The following CAMTA1 variants were observed in gnomAD, a reference collection of about 807,000 sequenced individuals.
The protein encoded by CAMTA1 is calmodulin-binding transcription activator 1.
CAMTA1 carries 27 observed loss-of-function variants against 170.9 expected under a neutral mutation model. That is an observed-to-expected ratio of 0.16 (90% CI 0.12 to 0.22). The LOEUF (loss-of-function observed/expected upper bound fraction) is 0.22. CAMTA1 is among the 10% of genes least tolerant of loss of function. The pLI, the probability that CAMTA1 is intolerant of heterozygous loss-of-function variation, is 1.00. For missense variants in CAMTA1, 1,619 were observed against 2,217.2 expected, an observed-to-expected ratio of 0.73 and a Z score of 5.42; for synonymous variants, 833 against 891.5, an observed-to-expected ratio of 0.93 and a Z score of 1.17.
chr1:7,527,459 T>C (rs1007302001), intron 6 of CAMTA1, among the ~76,000 whole-genome samples: 3 of 152,192 alleles, frequency 2.0e-5, no homozygotes, highest in South Asian at 2.1e-4. Flanking sequence ...CCAGGCAGCT[T>C]GGGACTTTGA....
rs950573061 is a variant in CAMTA1 at position 7,221,445 on chromosome 1, T to A, written c.303-28046T>A. ...TGCTCCGGCTTTTGGGTTTCCATAG[T>A]GTGCATTAGCCTTTGAAGGCCTCCA... On this transcript the variant is annotated intron_variant, in intron 4 of 22. Transcript: ENST00000303635. 2.0e-5 allele frequency among the ~76,000 whole-genome samples: 3 copies of A among 152,292 alleles called. No homozygotes were observed. In the South Asian group the frequency reaches 6.2e-4, roughly 32 times the overall value.
At chr1:6,997,491 G>A (rs1239518250) in intron 3 of CAMTA1, among the ~76,000 whole-genome samples, 1 of 151,752 alleles carries the variant, frequency 6.6e-6, no homozygotes, top group African/African-American at 2.4e-5. Context: ...TTGGCTCTTC[G>A]GGCAGCCTCT....
At chr1:7,031,585 G>C (rs768598897) in intron 3 of CAMTA1, among the ~76,000 whole-genome samples, 1 of 152,190 alleles carries the variant, frequency 6.6e-6, no homozygotes, top group East Asian at 1.9e-4. Flanking sequence ...TGTCACCCAG[G>C]CTGGAGTGCA....
At chr1:6,924,729 G>A (rs555083778) in intron 3 of CAMTA1, among the ~76,000 whole-genome samples, 2 of 152,282 alleles carry the variant, frequency 1.3e-5, no homozygotes, top group East Asian at 3.9e-4. Flanking sequence ...TTTAAAAAAT[G>A]CGAGCTAAGT....
At position 7,483,106 on chromosome 1, in the gene CAMTA1, C is replaced by G. The variant is rs772164166; in HGVS notation, c.510+15205C>G. On this transcript the variant is annotated intron_variant, in intron 6 of 22. Coordinates refer to ENST00000303635, the MANE Select transcript of CAMTA1 (RefSeq NM_015215.4). ...CTCAGGAAGCTGGGCCCCAGCAGCCCGAGGTCAAGGGGGAATCCTTCAGCC... is the reference window on the plus strand; with the variant it reads ...CTCAGGAAGCTGGGCCCCAGCAGCCGGAGGTCAAGGGGGAATCCTTCAGCC... 3.3e-5 allele frequency among the ~76,000 whole-genome samples: 5 copies of G among 152,198 alleles called. No homozygotes were observed. In the South Asian group the frequency reaches 6.2e-4, roughly 19 times the overall value.
chr1:6,805,129 A>G (rs1644367078), intron 1 of CAMTA1, among the ~76,000 whole-genome samples: 1 of 152,242 alleles, frequency 6.6e-6, no homozygotes, highest in African/African-American at 2.4e-5. Context: ...GTTAGATCAT[A>G]TTACATTCCC....
At chr1:7,596,473 G>C (rs2095401014) in intron 6 of CAMTA1, among the ~76,000 whole-genome samples, 1 of 152,310 alleles carries the variant, frequency 6.6e-6, no homozygotes, top group Non-Finnish European at 1.5e-5. Context: ...CTGGCCGCAG[G>C]TGCCCACTTC....
intron 6 of CAMTA1, among the ~76,000 whole-genome samples, chr1:7,605,207 A>G (rs1485031163): frequency 1.3e-5 from 2 of 152,148 alleles, no homozygotes; most frequent in Non-Finnish European, 2.9e-5. Flanking sequence ...ACTCTCTTCA[A>G]AGCTGTCAGA....
chr1:6,951,179 A>G (rs1331334720), intron 3 of CAMTA1, among the ~76,000 whole-genome samples: 1 of 152,212 alleles, frequency 6.6e-6, no homozygotes, highest in Non-Finnish European at 1.5e-5. Context: ...TCCAGTGGCG[A>G]AAAGGATAAA....
At chr1:7,309,326 G>A (rs1676093146) in intron 5 of CAMTA1, among the ~76,000 whole-genome samples, 1 of 109,922 alleles carries the variant, frequency 9.1e-6, no homozygotes, top group Non-Finnish European at 1.7e-5. Context: ...TTGAGACGGA[G>A]TCTCGCTCTG....
At chr1:7,614,117 A>G (rs1200325837) in intron 6 of CAMTA1, among the ~76,000 whole-genome samples, 1 of 150,942 alleles carries the variant, frequency 6.6e-6, no homozygotes, top group Non-Finnish European at 1.5e-5. Context: ...CAGAGGGGTG[A>G]GTAGGAGGAG....
intron 6 of CAMTA1, among the ~76,000 whole-genome samples, chr1:7,548,411 T>A (rs150527941): frequency 0.02 from 2,928 of 149,828 alleles, 38 homozygotes; most frequent in Middle Eastern, 0.087. Context: ...AGGGTGGAGG[T>A]GCCCGTGCAG....
At chr1:7,508,065 G>A (rs1005876989) in intron 6 of CAMTA1, among the ~76,000 whole-genome samples, 9 of 152,238 alleles carry the variant, frequency 5.9e-5, no homozygotes, top group African/African-American at 7.2e-5. Flanking sequence ...CGAAGCCCTC[G>A]CTTATGATCT....
intron 4 of CAMTA1, among the ~76,000 whole-genome samples, chr1:7,116,064 C>T (rs1478024854): frequency 1.3e-5 from 2 of 152,106 alleles, no homozygotes; most frequent in Admixed American, 6.5e-5. Context: ...CATAAGATGA[C>T]CCCTCATGTA....
intron 6 of CAMTA1, among the ~76,000 whole-genome samples, chr1:7,556,910 G>T (rs1036272122): frequency 1.3e-5 from 2 of 152,196 alleles, no homozygotes; most frequent in African/African-American, 4.8e-5. Flanking sequence ...TCCAGAAATA[G>T]CTATAGAAGA....
intron 4 of CAMTA1, among the ~76,000 whole-genome samples, chr1:7,212,392 C>T (rs1394581194): frequency 6.6e-6 from 1 of 152,180 alleles, no homozygotes; most frequent in Admixed American, 6.5e-5. Context: ...TGGGTAACCA[C>T]TCTCATTATT....
intron 6 of CAMTA1, among the ~76,000 whole-genome samples, chr1:7,629,401 C>A (rs557487692): frequency 6.6e-6 from 1 of 152,042 alleles, no homozygotes; most frequent in South Asian, 2.1e-4. Context: ...CATCCGGGAA[C>A]TAATGTCACC....
intron 16 of CAMTA1, among the ~76,000 whole-genome samples, chr1:7,739,357 ATCC>A (rs2096793871): frequency 6.6e-6 from 1 of 152,150 alleles, no homozygotes; most frequent in South Asian, 2.1e-4. Flanking sequence ...TGCTCATTGC[ATCC>A]CAGGGACCCC....
intron 3 of CAMTA1, among the ~76,000 whole-genome samples, chr1:7,068,214 C>T (rs893319398): frequency 3.3e-5 from 5 of 152,142 alleles, no homozygotes; most frequent in African/African-American, 9.7e-5. Flanking sequence ...GCGGTGTGGT[C>T]GCTTTAGCCT....
Sources: gnomAD v4.1 joint callset for allele counts (sites outside exome capture counted in the v4.1 genomes callset) on GRCh38, gnomAD v4.1.1 for gene constraint, MANE v1.5 for transcripts, NCBI Gene and HGNC (gene_info 2026-07-23, HGNC 2026-07-21) for gene names.